The following MBP variants were observed in gnomAD, a reference collection of about 807,000 sequenced individuals.
The protein encoded by MBP is Golli-MBP.
In MBP, 16 loss-of-function variants were observed where a neutral mutation model predicts 35.8. The ratio of observed to expected loss-of-function variants is 0.45; its 90% confidence interval spans 0.30 to 0.68. MBP has a LOEUF of 0.68. Among genes scored for constraint, MBP ranks in the 30% least tolerant of loss-of-function variants. MBP has a pLI of 0.08. For missense variants in MBP, 380 were observed against 404.7 expected (o/e 0.94, Z 0.52); for synonymous variants, 143 against 159.6 (o/e 0.90, Z 0.78).
At chr18:77,086,059 T>A (rs1007572612) in intron 2 of MBP, among the ~76,000 whole-genome samples, 1 of 152,222 alleles carries the variant, frequency 6.6e-6, no homozygotes, top group Non-Finnish European at 1.5e-5. Flanking sequence ...TAACTGCATC[T>A]GCATTCTAGT....
intron 4 of MBP, among the ~76,000 whole-genome samples, chr18:76,998,473 A>T (rs1332836220): frequency 6.6e-6 from 1 of 152,100 alleles, no homozygotes; most frequent in African/African-American, 2.4e-5. Flanking sequence ...TCACCTTTGA[A>T]GTGACCCAGG....
intron 2 of MBP, among the ~76,000 whole-genome samples, chr18:77,089,744 T>C (rs1015306378): frequency 6.6e-6 from 1 of 152,212 alleles, no homozygotes; most frequent in South Asian, 2.1e-4. Context: ...ACGAATATTT[T>C]CTTCTTGGTC....
chr18:77,088,756 T>G (rs1428302487), intron 2 of MBP, among the ~76,000 whole-genome samples: 2 of 152,222 alleles, frequency 1.3e-5, no homozygotes, highest in Non-Finnish European at 2.9e-5. Flanking sequence ...TTCAAATCAT[T>G]AATGATCCCT....
intron 1 of MBP, among the ~76,000 whole-genome samples, chr18:77,120,185 G>T (rs886916519): frequency 2.6e-5 from 4 of 152,234 alleles, no homozygotes; most frequent in Non-Finnish European, 4.4e-5. Context: ...AATCCATTAC[G>T]GGTCTCAAAG....
At chr18:77,000,216 T>C (rs1970557054) in intron 4 of MBP, among the ~76,000 whole-genome samples, 2 of 152,232 alleles carry the variant, frequency 1.3e-5, no homozygotes, top group Non-Finnish European at 2.9e-5. Flanking sequence ...ATAAGAAAGT[T>C]TGTGGAAAAA....
At chr18:77,037,290 C>T (rs939851577) in intron 3 of MBP, among the ~76,000 whole-genome samples, 2 of 143,866 alleles carry the variant, frequency 1.4e-5, no homozygotes, top group South Asian at 2.2e-4. Context: ...GTGCTGGTCA[C>T]GTTTCGGAGG....
chr18:77,000,712 T>C (rs528609367), intron 4 of MBP, among the ~76,000 whole-genome samples: 2 of 152,124 alleles, frequency 1.3e-5, no homozygotes, highest in African/African-American at 4.8e-5. Context: ...GTTGTTGTTT[T>C]TTTTGTTTTT....
At chr18:77,119,905 A>C (rs575972661) in intron 1 of MBP, among the ~76,000 whole-genome samples, 1 of 152,234 alleles carries the variant, frequency 6.6e-6, no homozygotes, top group South Asian at 2.1e-4. Context: ...AGTCCCCAGG[A>C]GACAGAGAGG....
chr18:77,130,721 C>G (rs1977215144), intron 1 of MBP, among the ~76,000 whole-genome samples: 1 of 150,314 alleles, frequency 6.7e-6, no homozygotes, highest in African/African-American at 2.5e-5. Context: ...CGTTTCGTGG[C>G]TACCTTTAAT....
intron 2 of MBP, chr18:77,069,010 G>T: frequency 2.1e-6 from 1 of 484,194 alleles, no homozygotes; most frequent in Non-Finnish European, 4.1e-6. Flanking sequence ...ATGGCTTCCA[G>T]GCTCCCAGCA....
At position 77,098,873 on chromosome 18, in the gene MBP, G is replaced by A. The variant is rs79031132; in HGVS notation, c.51+6338C>T. On this transcript the variant is annotated intron_variant, in intron 2 of 8. Coordinates refer to ENST00000355994, the MANE Select transcript of MBP (RefSeq NM_001025101.2). ...CCTCCGCGCTGCATTTTTATCCACG[G>A]CAATCCTTACAACTGCATTTATTAG... Among the ~76,000 whole-genome samples the A allele has an allele frequency of 2.0e-5, 3 of 152,200 alleles. No homozygotes were observed. In the East Asian group the frequency reaches 5.8e-4, roughly 29 times the overall value.
At chr18:77,026,547 T>A (rs4890877) in intron 3 of MBP, among the ~76,000 whole-genome samples, 86,816 of 151,960 alleles carry the variant, frequency 0.57, 25,798 homozygotes, top group Non-Finnish European at 0.64. Flanking sequence ...TCCCCTTTTA[T>A]TAGAGATCTC....
chr18:77,028,571 G>A (rs1972344758), intron 3 of MBP, among the ~76,000 whole-genome samples: 1 of 88,956 alleles, frequency 1.1e-5, no homozygotes, highest in African/African-American at 3.1e-5. Flanking sequence ...GGGCGGCCGG[G>A]CAGAGGCGCC....
intron 3 of MBP, among the ~76,000 whole-genome samples, chr18:77,045,645 A>G (rs939809622): frequency 6.6e-6 from 1 of 152,254 alleles, no homozygotes; most frequent in African/African-American, 2.4e-5. Flanking sequence ...TATTGAAATA[A>G]ATGGACTGTG....
chr18:77,017,574 G>A (rs535974139), intron 3 of MBP: 2 of 268,208 alleles, frequency 7.5e-6, no homozygotes, highest in African/African-American at 2.2e-5. Flanking sequence ...GTTTCTTCCC[G>A]GGTGCTGCCA....
intron 3 of MBP, among the ~76,000 whole-genome samples, chr18:77,021,061 G>C (rs1045415487): frequency 9.2e-5 from 14 of 152,224 alleles, no homozygotes; most frequent in Admixed American, 3.9e-4. Context: ...GTCTGGAAGA[G>C]TGTTGTCTTC....
At chr18:77,035,985 C>A (rs1454716514) in intron 3 of MBP, among the ~76,000 whole-genome samples, 2 of 152,212 alleles carry the variant, frequency 1.3e-5, no homozygotes, top group African/African-American at 4.8e-5. Flanking sequence ...TAAATAGAAC[C>A]GTCAGTTCTT....
intron 7 of MBP, chr18:76,986,379 T>A (rs1969559292): frequency 1.0e-6 from 1 of 985,374 alleles, no homozygotes; most frequent in Admixed American, 6.1e-5. Context: ...GCCCATCTCT[T>A]ATTTAGAGGT....
At chr18:77,004,449 CTG>C (rs1243061996) in intron 4 of MBP, 1 of 152,064 alleles carries the variant, frequency 6.6e-6, no homozygotes, top group East Asian at 1.9e-4. Context: ...GCAGTTTTTC[CTG>C]TGTTTTTGCC....
Sources: gnomAD v4.1 joint callset for allele counts (sites outside exome capture counted in the v4.1 genomes callset) on GRCh38, gnomAD v4.1.1 for gene constraint, MANE v1.5 for transcripts, NCBI Gene and HGNC (gene_info 2026-07-23, HGNC 2026-07-21) for gene names.